Variants in PKN2 observed in about 807,000 individuals in gnomAD.
PKN2 encodes the protein serine/threonine-protein kinase N2.
In PKN2, 38 loss-of-function variants were observed where a neutral mutation model predicts 119.1. The observed-to-expected ratio is 0.32, with a 90% CI of 0.25 to 0.42. The LOEUF is 0.42. Ranked by LOEUF, PKN2 falls within the 10% of genes least tolerant of loss-of-function variation. PKN2 has a pLI of 1.00. For synonymous variants in PKN2, 390 were observed against 384.9 expected (o/e 1.01, Z -0.15); for missense variants, 850 against 1,165.1 (o/e 0.73, Z 3.94).
intron 1 of PKN2, among the ~76,000 whole-genome samples, chr1:88,717,255 A>G (rs1362504697): frequency 6.6e-6 from 1 of 152,130 alleles, no homozygotes; most frequent in Non-Finnish European, 1.5e-5. Context: ...ACCTTGGTGA[A>G]TCTGACAATT....
At chr1:88,832,908 AAAG>A in intron 20 of PKN2, 57 bp downstream of exon 20, 1 of 1,247,950 alleles carries the variant, frequency 8.0e-7, no homozygotes, top group Non-Finnish European at 1.1e-6. Flanking sequence ...TTTTTATACT[AAAG>A]AAAATTTCCC....
intron 1 of PKN2, among the ~76,000 whole-genome samples, chr1:88,716,410 A>G (rs1667455680): frequency 6.6e-6 from 1 of 152,100 alleles, no homozygotes; most frequent in Non-Finnish European, 1.5e-5. Context: ...GTCTCCCATT[A>G]TTATTGTGTG....
chr1:88,823,703 T>TAAAAAAAAAA (rs61234342), intron 17 of PKN2, among the ~76,000 whole-genome samples: 4 of 65,746 alleles, frequency 6.1e-5, no homozygotes, highest in African/African-American at 2.2e-4. Flanking sequence ...GACTCTGTCT[T>TAAAAAAAAAA]AAAAAAAAAA....
At chr1:88,689,882 A>G (rs542573454) in intron 1 of PKN2, among the ~76,000 whole-genome samples, 1 of 152,334 alleles carries the variant, frequency 6.6e-6, no homozygotes, top group South Asian at 2.1e-4. Context: ...TTTGAATAAT[A>G]TAGCAATACA....
chr1:88,823,836 G>A (rs188564406), intron 17 of PKN2, among the ~76,000 whole-genome samples: 38 of 149,424 alleles, frequency 2.5e-4, no homozygotes, highest in Non-Finnish European at 3.3e-4. Flanking sequence ...TAGTGAAACC[G>A]CCTCTCTAAT....
intron 1 of PKN2, among the ~76,000 whole-genome samples, chr1:88,725,342 G>A (rs192489977): frequency 1.3e-5 from 2 of 152,162 alleles, no homozygotes; most frequent in South Asian, 4.1e-4. Flanking sequence ...TTTCAGAGTG[G>A]CTATACCACC....
chr1:88,810,643 A>G (rs567260402), intron 15 of PKN2, among the ~76,000 whole-genome samples: 58 of 151,896 alleles, frequency 3.8e-4, no homozygotes, highest in African/African-American at 1.2e-3. Flanking sequence ...GTCTCACTCT[A>G]TTGTCCAGGC....
chr1:88,734,830 G>C (rs1668274596), intron 1 of PKN2, among the ~76,000 whole-genome samples: 1 of 152,062 alleles, frequency 6.6e-6, no homozygotes, highest in Non-Finnish European at 1.5e-5. Flanking sequence ...ATTTGAAACT[G>C]ATAGCAACCC....
At chr1:88,779,248 C>T (rs1016100265) in intron 6 of PKN2, among the ~76,000 whole-genome samples, 1 of 152,028 alleles carries the variant, frequency 6.6e-6, no homozygotes, top group African/African-American at 2.4e-5. Flanking sequence ...CCGGAGTGTC[C>T]CTTGCTTTTT....
intron 1 of PKN2, among the ~76,000 whole-genome samples, chr1:88,687,860 T>G (rs1237495323): frequency 6.6e-6 from 1 of 152,228 alleles, no homozygotes; most frequent in Non-Finnish European, 1.5e-5. Flanking sequence ...TACTAGAAGA[T>G]AATTATAAGA....
chr1:88,710,221 A>G (rs1278850519), intron 1 of PKN2, among the ~76,000 whole-genome samples: 1 of 152,190 alleles, frequency 6.6e-6, no homozygotes, highest in Non-Finnish European at 1.5e-5. Flanking sequence ...GTGCCATATT[A>G]GTATAGAACA....
rs745420919 is a variant in PKN2 at position 88,813,746 on chromosome 1, T to C, written c.2279+13T>C. On this transcript the variant is annotated intron_variant, in intron 16 of 21. Coordinates refer to ENST00000370521, the MANE Select transcript of PKN2 (RefSeq NM_006256.4). ...AACCAAGAGCTGTGTGAGTATGCTT[T>C]AGACATTTGTCTGAGTTTTTCCATG... 1 of 1,541,996 alleles carries C rather than the reference T, an allele frequency of 6.5e-7. No homozygotes were observed. The highest frequency in any genetic ancestry group is 1.3e-5 in the South Asian group (1 of 78,166).
intron 8 of PKN2, among the ~76,000 whole-genome samples, chr1:88,789,905 C>T (rs1241168611): frequency 6.6e-6 from 1 of 151,970 alleles, no homozygotes; most frequent in African/African-American, 2.4e-5. Context: ...GAACCAAGTT[C>T]TGTATGGTGA....
At chr1:88,686,527 A>G (rs1257851014) in intron 1 of PKN2, among the ~76,000 whole-genome samples, 1 of 152,106 alleles carries the variant, frequency 6.6e-6, no homozygotes, top group African/African-American at 2.4e-5. Context: ...CTTCTAGATA[A>G]ACTGAAATAT....
chr1:88,758,038 C>CAAAAAAAAA (rs33914457), intron 2 of PKN2, among the ~76,000 whole-genome samples: 9 of 59,070 alleles, frequency 1.5e-4, no homozygotes, highest in African/African-American at 6.1e-4. Context: ...GAGACTATCT[C>CAAAAAAAAA]AAAAAAAAAA....
chr1:88,736,301 G>T (rs931893666), intron 1 of PKN2, among the ~76,000 whole-genome samples: 5 of 152,044 alleles, frequency 3.3e-5, no homozygotes, highest in African/African-American at 4.8e-5. Context: ...TCACTTTAGG[G>T]TTGTTTCCTG....
At chr1:88,688,512 A>G (rs1666202529) in intron 1 of PKN2, among the ~76,000 whole-genome samples, 1 of 152,158 alleles carries the variant, frequency 6.6e-6, no homozygotes, top group Non-Finnish European at 1.5e-5. Flanking sequence ...ACTTTACACT[A>G]CTTGTTAGCT....
rs188766868 is a variant in PKN2, at chr1:88,728,225, T to G, written c.49-12763T>G. 3.4e-3 allele frequency among the ~76,000 whole-genome samples: 524 copies of G among 152,232 alleles called. 1 individual carries two copies. The highest frequency in any genetic ancestry group is 0.012 in the African/African-American group (490 of 41,546). On this transcript the variant is annotated intron_variant, in intron 1 of 21. Transcript: ENST00000370521. Reference sequence around the variant, plus strand: ...ATTTATGTGGGCTGGAGTGAAGAGATATAAGCCTACTCAATCTTGTTGAGA... The same window carrying G: ...ATTTATGTGGGCTGGAGTGAAGAGAGATAAGCCTACTCAATCTTGTTGAGA...
At chr1:88,758,551 C>A (rs1001747442) in intron 2 of PKN2, among the ~76,000 whole-genome samples, 1 of 152,082 alleles carries the variant, frequency 6.6e-6, no homozygotes, top group African/African-American at 2.4e-5. Flanking sequence ...CTCCAATAGG[C>A]CCCCAGTGAC....
Sources: gnomAD v4.1 joint callset for allele counts (sites outside exome capture counted in the v4.1 genomes callset) on GRCh38, gnomAD v4.1.1 for gene constraint, MANE v1.5 for transcripts, NCBI Gene and HGNC (gene_info 2026-07-23, HGNC 2026-07-21) for gene names.